Variants in IL16 observed in about 807,000 individuals in gnomAD.
IL16 encodes interleukin 16, also known as pro-interleukin-16.
A neutral mutation model predicts 110.1 loss-of-function variants in IL16; 67 were observed. The ratio of observed to expected loss-of-function variants is 0.61; its 90% CI spans 0.50 to 0.75. IL16 has a LOEUF of 0.75. Among genes scored for constraint, IL16 ranks in the 30% least tolerant of loss-of-function variants. IL16 has a pLI of 0.00. For missense variants in IL16, 1,545 were observed against 1,655.0 expected (o/e 0.93, Z 1.15); for synonymous variants, 689 against 662.9 (o/e 1.04, Z -0.61).
chr15:81,292,594 A>G lies in IL16; in HGVS notation c.1459A>G (p.Thr487Ala). The G allele has an allele frequency of 1.9e-6, 3 of 1,605,882 alleles. No homozygotes were observed. The highest frequency in any genetic ancestry group is 2.6e-6 in the Non-Finnish European group (3 of 1,173,370). The change falls in exon 12 of 19, where the codon ACC (threonine) becomes GCC (alanine). Residue 487 changes from threonine (T) to alanine (A), a missense_variant. By Grantham distance (58) the Thr-to-Ala change is moderately conservative. Coordinates refer to ENST00000683961, the MANE Select transcript of IL16 (RefSeq NM_172217.5). Reference protein sequence around the residue: ...RLESSWHGRPTLEKEREKNSA... With the variant: ...RLESSWHGRPALEKEREKNSA... Reference sequence around the variant, plus strand: ...GGAAAGCAGTTGGCACGGGCGGCCCACCTTGGAGAAGGAACGAGAGAAGAA... The same window carrying G: ...GGAAAGCAGTTGGCACGGGCGGCCCGCCTTGGAGAAGGAACGAGAGAAGAA...
At chr15:81,248,252 T>A (rs1475300923) in intron 2 of IL16, among the ~76,000 whole-genome samples, 1 of 152,154 alleles carries the variant, frequency 6.6e-6, no homozygotes, top group Non-Finnish European at 1.5e-5. Flanking sequence ...TACCCACCTA[T>A]CTGTCTATGT....
At chr15:81,210,291 G>T (rs1024643843) in intron 1 of IL16, among the ~76,000 whole-genome samples, 1 of 152,070 alleles carries the variant, frequency 6.6e-6, no homozygotes, top group African/African-American at 2.4e-5. Context: ...GTGTGAAATT[G>T]GGTCATGTGA....
At position 81,310,209 on chromosome 15, in the gene IL16, CAAT is replaced by C. The variant is rs1314939076; in HGVS notation, c.*1413_*1415del. 1 of 152,222 alleles carries C rather than the reference CAAT, an allele frequency of 6.6e-6. No individual in the cohort carries two copies. Among genetic ancestry groups the C allele is most frequent in the African/African-American group, 2.4e-5 (1 of 41,456 alleles). The allele number at this position is 152,222 out of a possible 1,614,324, so 9.4% of individuals were successfully genotyped here. ...GGCAAGGACACAGATGAAACACAAA[CAAT>C]AGTAATTCTCAGGCCATCATCAGTG... On this transcript the variant is annotated 3_prime_UTR_variant, in exon 19 of 19. Coordinates refer to ENST00000683961, the MANE Select transcript of IL16 (RefSeq NM_172217.5).
intron 5 of IL16, among the ~76,000 whole-genome samples, chr15:81,270,578 A>C (rs577589145): frequency 2.6e-5 from 4 of 152,200 alleles, no homozygotes; most frequent in Non-Finnish European, 5.9e-5. Context: ...CAAGGGAGTA[A>C]CTGTCTTCTA....
chr15:81,194,122 C>T (rs1191164746), upstream of IL16, among the ~76,000 whole-genome samples: 1 of 152,206 alleles, frequency 6.6e-6, no homozygotes, highest in Non-Finnish European at 1.5e-5. Flanking sequence ...CAGCTCTTTG[C>T]TCAGACCTCT....
At chr15:81,219,157 C>T (rs1896533372) in intron 1 of IL16, among the ~76,000 whole-genome samples, 1 of 152,160 alleles carries the variant, frequency 6.6e-6, no homozygotes, top group Admixed American at 6.5e-5. Context: ...TTCTGCTTGT[C>T]CATCTTCCCA....
chr15:81,228,381 T>C (rs919810489), intron 2 of IL16, among the ~76,000 whole-genome samples: 12 of 146,982 alleles, frequency 8.2e-5, no homozygotes, highest in Non-Finnish European at 1.8e-4. Context: ...AGTACAGGGG[T>C]GCGATCTCAG....
intron 14 of IL16, 88 bp from the exon 15 acceptor site, chr15:81,301,256 C>A: frequency 8.2e-7 from 1 of 1,220,966 alleles, no homozygotes; most frequent in Non-Finnish European, 1.1e-6. Context: ...GTGCTTGGCA[C>A]CACACCTGGG....
At chr15:81,269,403 G>T in intron 4 of IL16, 135 bp from the exon 5 acceptor site, 1 of 678,668 alleles carries the variant, frequency 1.5e-6, no homozygotes, top group Non-Finnish European at 2.7e-6. Flanking sequence ...ACCACATTCT[G>T]GTTGTTACGC....
In IL16 at chr15:81,313,586, C is replaced by T. The variant is rs1900982375; in HGVS notation, c.*4788C>T. On this transcript the variant is annotated 3_prime_UTR_variant, in exon 19 of 19. Transcript: ENST00000683961. ...ACCTGCTGATTTTCAGGATGGAAAC[C>T]CATCCTGTCGGGGATGCATTCCACA... 2.2e-6 allele frequency: 1 copy of T among 458,752 alleles called. No homozygotes were observed. The highest frequency in any genetic ancestry group is 3.6e-6 in the Non-Finnish European group (1 of 278,212). 28.4% of individuals were successfully genotyped at this position (458,752 alleles called of 1,614,324 possible).
At position 81,300,427 on chromosome 15, in the gene IL16, C is replaced by T. The variant is rs1900222673; in HGVS notation, c.3101C>T (p.Ala1034Val). ...PTSSSNEDSA[A>V]NGSAETSALD... ...TCATCATCCAACGAAGACTCAGCTGCAAATGGTTCTGCTGAAACATCTGCC... is the reference window on the plus strand; with the variant it reads ...TCATCATCCAACGAAGACTCAGCTGTAAATGGTTCTGCTGAAACATCTGCC... The change falls in exon 14 of 19, where the codon GCA becomes GTA. Residue 1034 changes from alanine (A) to valine (V), a missense_variant. Physicochemically the swap from Ala to Val is moderately conservative, Grantham distance 64. This residue lies in a region of IL16 where 356 missense variants were observed against 399.3 expected (regional missense o/e 0.89). Coordinates refer to ENST00000683961, the MANE Select transcript of IL16 (RefSeq NM_172217.5). 2 of 1,614,048 alleles carry T rather than the reference C, an allele frequency of 1.2e-6. No individual in the cohort carries two copies. The highest frequency in any genetic ancestry group is 1.7e-6 in the Non-Finnish European group (2 of 1,180,020).
intron 12 of IL16, among the ~76,000 whole-genome samples, chr15:81,294,182 A>T (rs1412505482): frequency 1.3e-5 from 2 of 152,194 alleles, no homozygotes; most frequent in Non-Finnish European, 2.9e-5. Context: ...AAAGTGAAGG[A>T]GGGAGGAGGA....
chr15:81,256,612 G>C (rs1897956419), intron 2 of IL16, among the ~76,000 whole-genome samples: 2 of 152,146 alleles, frequency 1.3e-5, no homozygotes, highest in Non-Finnish European at 2.9e-5. Context: ...CCAAAGTGCA[G>C]GGATTACAGG....
intron 7 of IL16, 149 bp from the exon 8 acceptor site, chr15:81,279,409 C>T (rs1899065333): frequency 4.9e-6 from 3 of 611,312 alleles, no homozygotes; most frequent in Non-Finnish European, 5.7e-6. Flanking sequence ...ACAAATATGT[C>T]ATAATATAAT....
intron 2 of IL16, among the ~76,000 whole-genome samples, chr15:81,250,019 CTTA>C (rs994455584): frequency 1.3e-5 from 2 of 151,884 alleles, no homozygotes; most frequent in Non-Finnish European, 2.9e-5. Flanking sequence ...GCTGGGAAGC[CTTA>C]TTTTCTCTCT....
At chr15:81,246,748 G>A (rs371466812) in intron 2 of IL16, among the ~76,000 whole-genome samples, 27 of 152,030 alleles carry the variant, frequency 1.8e-4, no homozygotes, top group Admixed American at 5.9e-4. Context: ...TCTGGAATTC[G>A]TATTCTAGGT....
chr15:81,191,171 A>G (rs1279110852), intron 1 of IL16, among the ~76,000 whole-genome samples: 2 of 152,216 alleles, frequency 1.3e-5, no homozygotes, highest in East Asian at 3.9e-4. Context: ...TTTTAGAGCC[A>G]TGAATTAAAC....
Position 81,309,847 on chromosome 15 carries a change from G to C in IL16, c.*1049G>C, listed in dbSNP as rs1037189158. The C allele has an allele frequency of 6.6e-6, 1 of 152,272 alleles. No individual in the cohort carries two copies. Among genetic ancestry groups the C allele is most frequent in the Non-Finnish European group, 1.5e-5 (1 of 68,064 alleles). The allele number at this position is 152,272 out of a possible 1,614,324, so 9.4% of individuals were successfully genotyped here. A position where few individuals can be genotyped will look rare whatever the true frequency, so the allele number is the denominator to read the frequency against. On this transcript the variant is annotated 3_prime_UTR_variant, in exon 19 of 19. Transcript: ENST00000683961. ...GATCACAGCAGCTTCTACGGTGTAT[G>C]GTTCTGTGCCAATGTATTGATAAGA...
intron 2 of IL16, among the ~76,000 whole-genome samples, chr15:81,247,070 CTTT>C (rs1434657615): frequency 0.064 from 6,906 of 107,434 alleles, 578 homozygotes; most frequent in African/African-American, 0.23. Context: ...TCTTTCTTTT[CTTT>C]TCCTTTTTTT....
Sources: gnomAD v4.1 joint callset for allele counts (sites outside exome capture counted in the v4.1 genomes callset) on GRCh38, gnomAD v4.1.1 for gene constraint, gnomAD v4.1.1 regional missense constraint, MANE v1.5 for transcripts, NCBI Gene and HGNC (gene_info 2026-07-23, HGNC 2026-07-21) for gene names.